POLA1: variants seen among roughly 807,000 people sequenced by gnomAD.
The protein encoded by POLA1 is DNA polymerase alpha catalytic subunit.
A neutral mutation model predicts 124.0 loss-of-function variants in POLA1; 15 were observed. The observed-to-expected ratio is 0.12, with a 90% CI of 0.08 to 0.19. POLA1 has a LOEUF of 0.19. Ranked by LOEUF, POLA1 falls within the 10% of genes least tolerant of loss-of-function variation. The pLI is 1.00. For synonymous variants in POLA1, 408 were observed against 389.4 expected (o/e 1.05, Z -0.56); for missense variants, 886 against 1,103.4 (o/e 0.80, Z 2.79).
At chrX:24,913,241 A>G (rs1183493259) in intron 35 of POLA1, among the ~76,000 whole-genome samples, 1 of 112,098 alleles carries the variant, frequency 8.9e-6, no homozygotes, top group African/African-American at 3.2e-5. Context: ...CCAAGACTCA[A>G]GGGTACATTC....
chrX:24,958,589 A>G (rs1198631292), intron 36 of POLA1, among the ~76,000 whole-genome samples: 2 of 112,456 alleles, frequency 1.8e-5, no homozygotes, highest in Admixed American at 1.9e-4. Context: ...AATGTGTATT[A>G]TTATCCATGT....
chrX:24,895,444 C>G (rs1215421092), intron 35 of POLA1, among the ~76,000 whole-genome samples: 1 of 112,419 alleles, frequency 8.9e-6, no homozygotes, highest in Non-Finnish European at 1.9e-5. Context: ...CTGAAGGATC[C>G]AAAGGATGTG....
Position 24,916,287 on chromosome X carries a change from C to CTTTTTTTT in POLA1, c.4165-14159_4165-14152dup, listed in dbSNP as rs1301083848. Among the ~76,000 whole-genome samples, 196 of 95,111 alleles carry CTTTTTTTT rather than the reference C, an allele frequency of 2.1e-3. 3 individuals are homozygous for CTTTTTTTT. The highest frequency in any genetic ancestry group is 7.4e-3 in the African/African-American group (184 of 24,777). 82.6% of individuals were successfully genotyped at this position (95,111 alleles called of 115,157 possible). On this transcript the variant is annotated intron_variant, in intron 35 of 36. Transcript: ENST00000379068. ...CCTGAGAACTTTTTTTTTCTTTTTT[C>CTTTTTTTT]TTTTTTTTTTTTTTGAGGCAGTCTC...
At chrX:24,932,299 C>T (rs2047794799) in intron 36 of POLA1, among the ~76,000 whole-genome samples, 1 of 112,339 alleles carries the variant, frequency 8.9e-6, no homozygotes, top group South Asian at 3.7e-4. Context: ...AAATTCTTAT[C>T]TGAGAGGCAG....
chrX:24,741,322 G>A lies in POLA1; in HGVS notation c.2217-53G>A, dbSNP rs1032160022. On this transcript the variant is annotated intron_variant, in intron 20 of 36. Transcript: ENST00000379068. Reference sequence around the variant, plus strand: ...ATATTTTGTGAAGTTCTGATTATAGGCATTGTTTCTTTTAATTACTTGATT... The same window carrying A: ...ATATTTTGTGAAGTTCTGATTATAGACATTGTTTCTTTTAATTACTTGATT... The A allele has an allele frequency of 3.0e-5, 29 of 978,832 alleles. No homozygotes were observed. The Middle Eastern group carries it at 8.2e-4, about 28-fold the overall frequency. The allele number at this position is 978,832 out of a possible 1,213,427, so 80.7% of individuals were successfully genotyped here.
rs2046413515 is a variant in POLA1, at chrX:24,841,842, C to T, written c.3915+12C>T. On this transcript the variant is annotated intron_variant, in intron 33 of 36. Transcript: ENST00000379068. Reference sequence around the variant, plus strand: ...TCTTTGATGGTTCGGTTAGTTGTTTCTGTCTTTCATTTTGTGAGTGAACTT... The same window carrying T: ...TCTTTGATGGTTCGGTTAGTTGTTTTTGTCTTTCATTTTGTGAGTGAACTT... 2 of 1,173,070 alleles carry T rather than the reference C, an allele frequency of 1.7e-6. No individual in the cohort carries two copies. Among genetic ancestry groups the T allele is most frequent in the Admixed American group, 2.2e-5 (1 of 44,950 alleles).
chrX:24,861,106 AGTT>A (rs777354594), intron 34 of POLA1, among the ~76,000 whole-genome samples: 20 of 112,258 alleles, frequency 1.8e-4, no homozygotes, highest in African/African-American at 4.8e-4. Context: ...GCAGATACTC[AGTT>A]GTTGTATTTT....
chrX:24,912,207 A>G (rs995584207), intron 35 of POLA1, among the ~76,000 whole-genome samples: 4 of 112,600 alleles, frequency 3.6e-5, no homozygotes, highest in African/African-American at 1.3e-4. Flanking sequence ...CTCATACCTT[A>G]TACAAAAATT....
rs764098835 is a variant in POLA1 at position 24,748,417 on chromosome X, A to G, written c.2798A>G (p.Gln933Arg). 20 of 1,201,902 alleles carry G rather than the reference A, an allele frequency of 1.7e-5. No individual in the cohort carries two copies. The highest frequency in any genetic ancestry group is 2.0e-5 in the Non-Finnish European group (18 of 887,851). ...KLVERRKQVK[Q>R]LMKQQDLNPD... is the part of the protein sequence containing the mutation. ...GTAGAACGGAGAAAACAAGTCAAAC[A>G]GCTAATGAAACAGCAAGACTTAAAT... The change falls in exon 25 of 37, where the codon CAG (glutamine) becomes CGG (arginine). Residue 933 changes from glutamine (Q) to arginine (R), a missense_variant. By Grantham distance (43) the Gln-to-Arg change is conservative. Coordinates refer to ENST00000379068, the MANE Select transcript of POLA1 (RefSeq NM_001330360.2).
At chrX:24,816,229 T>C (rs2045986747) in intron 30 of POLA1, among the ~76,000 whole-genome samples, 1 of 112,488 alleles carries the variant, frequency 8.9e-6, no homozygotes, top group Admixed American at 9.4e-5. Flanking sequence ...TGATACCAAT[T>C]GATAATAGCA....
At chrX:24,775,874 G>A (rs1305136131) in intron 26 of POLA1, among the ~76,000 whole-genome samples, 1 of 111,647 alleles carries the variant, frequency 9.0e-6, no homozygotes, top group Non-Finnish European at 1.9e-5. Context: ...GAACCTTCTA[G>A]TCCAGCCCCC....
chrX:24,770,730 C>T (rs2045014108), intron 26 of POLA1, among the ~76,000 whole-genome samples: 1 of 111,021 alleles, frequency 9.0e-6, no homozygotes, highest in African/African-American at 3.3e-5. Context: ...GTTCTAATTC[C>T]AACTCAGCTA....
chrX:24,787,026 T>G (rs1233418530), intron 26 of POLA1, among the ~76,000 whole-genome samples: 1 of 110,896 alleles, frequency 9.0e-6, no homozygotes, highest in East Asian at 2.8e-4. Flanking sequence ...TCCTCCCACA[T>G]TAGCCTCCTG....
chrX:24,895,532 G>A (rs2047195914), intron 35 of POLA1, among the ~76,000 whole-genome samples: 1 of 112,535 alleles, frequency 8.9e-6, no homozygotes, highest in Non-Finnish European at 1.9e-5. Flanking sequence ...TCGTGGGCTA[G>A]AAATTAGTCA....
intron 29 of POLA1, among the ~76,000 whole-genome samples, chrX:24,814,631 TATG>T (rs1327124883): frequency 4.4e-4 from 49 of 112,138 alleles, no homozygotes; most frequent in African/African-American, 1.4e-3. Context: ...AATTTTATCT[TATG>T]AGGAGAATAT....
chrX:24,996,384 C>T lies in POLA1; in HGVS notation c.*434C>T, dbSNP rs2048608051. On this transcript the variant is annotated 3_prime_UTR_variant, in exon 37 of 37. Coordinates refer to ENST00000379068, the MANE Select transcript of POLA1 (RefSeq NM_001330360.2). ...GCTGACGTTTTGCTTTTTCATATGCCAATTAAACCCGGTCTAAATCCAAAT... is the reference window on the plus strand; with the variant it reads ...GCTGACGTTTTGCTTTTTCATATGCTAATTAAACCCGGTCTAAATCCAAAT... 2.6e-5 allele frequency: 3 copies of T among 115,586 alleles called. No homozygotes were observed. Among genetic ancestry groups the T allele is most frequent in the Admixed American group, 9.2e-5 (1 of 10,831 alleles). The allele number at this position is 115,586 out of a possible 1,213,427, so 9.5% of individuals were successfully genotyped here.
intron 4 of POLA1, among the ~76,000 whole-genome samples, chrX:24,710,292 C>T (rs1602259386): frequency 9.0e-6 from 1 of 111,673 alleles, no homozygotes; most frequent in Admixed American, 9.4e-5. Flanking sequence ...TCTCTTCCCC[C>T]AGAGCCTGAC....
At chrX:24,969,940 G>A (rs112035093) in intron 36 of POLA1, among the ~76,000 whole-genome samples, 4,146 of 111,818 alleles carry the variant, frequency 0.037, 196 homozygotes, top group African/African-American at 0.13. Context: ...CTTTTGCTTC[G>A]TTAGTTTGCT....
At chrX:24,866,158 G>A (rs149862128) in intron 34 of POLA1, among the ~76,000 whole-genome samples, 90 of 112,207 alleles carry the variant, frequency 8.0e-4, no homozygotes, top group African/African-American at 2.6e-3. Flanking sequence ...GCTTTCCGTG[G>A]TAATCACAGG....
Sources: allele counts gnomAD v4.1 joint callset (sites outside exome capture counted in the v4.1 genomes callset), GRCh38; gene constraint gnomAD v4.1.1; transcripts MANE v1.5; gene names NCBI Gene and HGNC (gene_info 2026-07-23, HGNC 2026-07-21).